The following FAM174A variants were observed in gnomAD, a reference collection of about 807,000 sequenced individuals.
FAM174A encodes the protein family with sequence similarity 174 member A.
Under a neutral mutation model 14.3 loss-of-function variants are expected in FAM174A, and 14 were observed. The observed-to-expected ratio is 0.98, with a 90% CI of 0.65 to 1.53. The LOEUF (loss-of-function observed/expected upper bound fraction) is 1.53, where lower values mean the gene tolerates loss of function less well. Ranked by LOEUF, FAM174A falls within the 40% of genes most tolerant of loss-of-function variation. FAM174A has a pLI of 0.00. For missense variants in FAM174A, 241 were observed against 249.6 expected, an observed-to-expected ratio of 0.97 and a Z score of 0.23; for synonymous variants, 108 against 111.4, an observed-to-expected ratio of 0.97 and a Z score of 0.19.
intron 1 of FAM174A, among the ~76,000 whole-genome samples, chr5:100,548,035 A>G (rs986820816): frequency 1.3e-5 from 2 of 152,054 alleles, no homozygotes; most frequent in Non-Finnish European, 2.9e-5. Context: ...AGACTTCTGT[A>G]TGCTTTTGTT....
intron 2 of FAM174A, among the ~76,000 whole-genome samples, chr5:100,583,002 T>C (rs985378939): frequency 6.6e-6 from 1 of 152,210 alleles, no homozygotes; most frequent in Non-Finnish European, 1.5e-5. Flanking sequence ...ACTAATATCA[T>C]GAACAGTCAA....
At chr5:100,583,760 G>C (rs1370857166) in intron 2 of FAM174A, among the ~76,000 whole-genome samples, 1 of 151,780 alleles carries the variant, frequency 6.6e-6, no homozygotes, top group African/African-American at 2.4e-5. Flanking sequence ...TTACTGTTTT[G>C]CACTTGATGG....
At chr5:100,554,020 A>G (rs1044183711) in intron 1 of FAM174A, among the ~76,000 whole-genome samples, 2 of 152,176 alleles carry the variant, frequency 1.3e-5, no homozygotes, top group African/African-American at 4.8e-5. Flanking sequence ...TATTTGATAT[A>G]TATGACCCGG....
intron 2 of FAM174A, among the ~76,000 whole-genome samples, chr5:100,582,820 G>A (rs1439089422): frequency 3.9e-5 from 6 of 152,080 alleles, no homozygotes; most frequent in South Asian, 4.1e-4. Context: ...CTGAAGGTTA[G>A]AAATAGGAAC....
At chr5:100,548,468 T>C (rs980730289) in intron 1 of FAM174A, among the ~76,000 whole-genome samples, 1 of 152,074 alleles carries the variant, frequency 6.6e-6, no homozygotes, top group Admixed American at 6.6e-5. Flanking sequence ...AATTATCTAG[T>C]TTGGTATAAT....
At chr5:100,575,680 A>T (rs987647194) in intron 2 of FAM174A, among the ~76,000 whole-genome samples, 2 of 152,232 alleles carry the variant, frequency 1.3e-5, no homozygotes, top group African/African-American at 4.8e-5. Context: ...CAAAATTGAC[A>T]AATGGTATCT....
intron 1 of FAM174A, among the ~76,000 whole-genome samples, chr5:100,550,602 A>G (rs896308416): frequency 6.6e-6 from 1 of 152,192 alleles, no homozygotes; most frequent in Non-Finnish European, 1.5e-5. Flanking sequence ...CATGGAATCA[A>G]ATGTCTGGTA....
rs996465616 is a variant in FAM174A, at chr5:100,535,694, C to T, written c.164C>T (p.Pro55Leu). 6.2e-7 allele frequency: 1 copy of T among 1,608,898 alleles called. No individual in the cohort carries two copies. The highest frequency in any genetic ancestry group is 1.3e-5 in the African/African-American group (1 of 74,902). The change falls in exon 1 of 3, where the codon CCG (proline) becomes CTG (leucine). Residue 55 changes from proline (P) to leucine (L), a missense_variant. Coordinates refer to ENST00000312637, the MANE Select transcript of FAM174A (RefSeq NM_198507.3). ...PPDPRPRTLP[P>L]LPPGPTPAQQ... Reference sequence around the variant, plus strand: ...GACCCTAGACCACGGACATTACCGCCGCTGCCACCGGGCCCTACCCCTGCC... The same window carrying T: ...GACCCTAGACCACGGACATTACCGCTGCTGCCACCGGGCCCTACCCCTGCC...
intron 2 of FAM174A, among the ~76,000 whole-genome samples, chr5:100,570,135 C>G (rs1484983357): frequency 2.0e-5 from 3 of 151,802 alleles, no homozygotes; most frequent in Admixed American, 6.6e-5. Context: ...GTCTAAAACA[C>G]AGAGGTCGGG....
intron 2 of FAM174A, among the ~76,000 whole-genome samples, chr5:100,566,178 A>ATG: frequency 7.0e-6 from 1 of 142,096 alleles, no homozygotes; most frequent in African/African-American, 2.5e-5. Context: ...ATATGTACAT[A>ATG]TAATATATAT....
chr5:100,559,967 C>T (rs1009722836), intron 1 of FAM174A, among the ~76,000 whole-genome samples: 11 of 152,106 alleles, frequency 7.2e-5, no homozygotes, highest in African/African-American at 2.7e-4. Flanking sequence ...CATTCTCCTT[C>T]CAGCTTTGTT....
intron 2 of FAM174A, among the ~76,000 whole-genome samples, chr5:100,583,509 TC>T (rs1236709478): frequency 6.6e-6 from 1 of 152,202 alleles, no homozygotes; most frequent in East Asian, 1.9e-4. Flanking sequence ...TACATCTTCT[TC>T]CTTATCATGT....
chr5:100,554,310 CTTTTTTTT>C (rs34241194), intron 1 of FAM174A, among the ~76,000 whole-genome samples: 3 of 93,942 alleles, frequency 3.2e-5, no homozygotes, highest in Non-Finnish European at 6.0e-5. Context: ...ATTTTTCTAT[CTTTTTTTT>C]TTTTTTTTTT....
chr5:100,571,932 T>C (rs1440262156), intron 2 of FAM174A, among the ~76,000 whole-genome samples: 2 of 151,836 alleles, frequency 1.3e-5, no homozygotes, highest in Non-Finnish European at 2.9e-5. Flanking sequence ...CCACATATTT[T>C]GTAAACCAAG....
At chr5:100,580,061 T>C (rs781258669) in intron 2 of FAM174A, among the ~76,000 whole-genome samples, 17 of 152,192 alleles carry the variant, frequency 1.1e-4, no homozygotes, top group Non-Finnish European at 1.8e-4. Flanking sequence ...ATAAACTTTT[T>C]GAAGGTATTT....
At chr5:100,559,705 C>T (rs997447772) in intron 1 of FAM174A, among the ~76,000 whole-genome samples, 2 of 152,060 alleles carry the variant, frequency 1.3e-5, no homozygotes, top group African/African-American at 4.8e-5. Flanking sequence ...ATTTGATCTT[C>T]CATCACTGAT....
intron 2 of FAM174A, among the ~76,000 whole-genome samples, chr5:100,584,319 G>A (rs756703974): frequency 1.3e-4 from 20 of 152,160 alleles, no homozygotes; most frequent in African/African-American, 3.4e-4. Flanking sequence ...CTTCTCTTCC[G>A]TATTAATAAG....
chr5:100,547,773 G>A (rs967613244), intron 1 of FAM174A, among the ~76,000 whole-genome samples: 1 of 152,056 alleles, frequency 6.6e-6, no homozygotes, highest in Non-Finnish European at 1.5e-5. Context: ...TTATCATTTA[G>A]GAGGTTTTTA....
chr5:100,558,218 G>A (rs1294306554), intron 1 of FAM174A, among the ~76,000 whole-genome samples: 6 of 152,192 alleles, frequency 3.9e-5, no homozygotes, highest in Admixed American at 6.5e-5. Flanking sequence ...TCAGGAGCAG[G>A]TTGTTCAGTT....
Sources: allele counts gnomAD v4.1 joint callset (sites outside exome capture counted in the v4.1 genomes callset), GRCh38; gene constraint gnomAD v4.1.1; transcripts MANE v1.5; gene names NCBI Gene and HGNC (gene_info 2026-07-23, HGNC 2026-07-21).